The following MRC2 variants were observed in gnomAD, a reference collection of about 807,000 sequenced individuals.
MRC2 encodes mannose receptor C-type 2.
Under a neutral mutation model 206.2 loss-of-function variants are expected in MRC2, and 84 were observed. That is an observed-to-expected ratio of 0.41 (90% CI 0.34 to 0.49). MRC2 has a LOEUF of 0.49. Among genes scored for constraint, MRC2 ranks in the 20% least tolerant of loss-of-function variants. The probability of loss-of-function intolerance (pLI) is 0.31; values close to 1 mark genes in which losing one functional copy is unlikely to be tolerated. For synonymous variants in MRC2, 798 were observed against 800.0 expected (o/e 1.00, Z 0.04); for missense variants, 1,676 against 2,001.5 (o/e 0.84, Z 3.10).
intron 1 of MRC2, among the ~76,000 whole-genome samples, chr17:62,636,618 A>G (rs1260080203): frequency 6.6e-6 from 1 of 151,676 alleles, no homozygotes; most frequent in African/African-American, 2.4e-5. Flanking sequence ...ACAGGCACTC[A>G]CCACCACGCC....
In MRC2 at chr17:62,667,291, C is replaced by T. The variant is rs1343905932; in HGVS notation, c.974-99C>T. The T allele has an allele frequency of 2.8e-6, 4 of 1,449,388 alleles. No homozygotes were observed. The highest frequency in any genetic ancestry group is 2.8e-6 in the Non-Finnish European group (3 of 1,090,148). 89.8% of individuals were successfully genotyped at this position (1,449,388 alleles called of 1,614,324 possible). Reference sequence around the variant, plus strand: ...GGCTTCCCGAACTGGCTCAGGCTTCCGAGGGAGCAGAGGGAGGTAGGAGGT... The same window carrying T: ...GGCTTCCCGAACTGGCTCAGGCTTCTGAGGGAGCAGAGGGAGGTAGGAGGT... On this transcript the variant is annotated intron_variant, in intron 5 of 29. Transcript: ENST00000303375. This position sits in a 1 kb window ranked among gnomAD's most constrained non-coding sequence, Gnocchi z 4.1.
intron 1 of MRC2, among the ~76,000 whole-genome samples, chr17:62,635,818 C>T (rs777560256): frequency 5.1e-4 from 78 of 151,582 alleles, no homozygotes; most frequent in African/African-American, 1.1e-3. Flanking sequence ...GACGGAGTCT[C>T]GCTCTGTTGC....
intron 1 of MRC2, among the ~76,000 whole-genome samples, chr17:62,645,455 TTG>T (rs965551322): frequency 6.8e-6 from 1 of 146,116 alleles, no homozygotes; most frequent in Non-Finnish European, 1.5e-5. Context: ...AATATACATA[TTG>T]TGTGTGTATA....
At chr17:62,669,883 T>C (rs1025839184) in intron 6 of MRC2, among the ~76,000 whole-genome samples, 1 of 152,186 alleles carries the variant, frequency 6.6e-6, no homozygotes, top group Admixed American at 6.5e-5. Context: ...CACTGCTTTA[T>C]CTCCCATTCC....
rs534474598 is a variant in MRC2 at position 62,636,125 on chromosome 17, G to A, written c.118+8205G>A. On this transcript the variant is annotated intron_variant, in intron 1 of 29. Transcript: ENST00000303375. ...TTAAATTAGCTGGGCACAGTGGTGC[G>A]TGCCTGTAGTCTCAGCTACTCAGGA... Among the ~76,000 whole-genome samples the A allele has an allele frequency of 2.6e-5, 4 of 151,132 alleles. No homozygotes were observed. In the East Asian group the frequency reaches 7.8e-4, roughly 30 times the overall value.
chr17:62,688,763 C>T (rs1208685745), intron 22 of MRC2, 89 bp from the exon 23 acceptor site: 4 of 1,589,334 alleles, frequency 2.5e-6, no homozygotes, highest in Admixed American at 3.4e-5. Flanking sequence ...TCCCTTCTTC[C>T]AGCCTCTTTG....
In MRC2 at chr17:62,680,877, C is replaced by A; in HGVS notation, c.2551C>A (p.Arg851Ser). The change falls in exon 17 of 30, where the codon CGC becomes AGC. Residue 851 changes from arginine to serine, a missense_variant. Physicochemically the swap from Arg to Ser is moderately radical, Grantham distance 110 (BLOSUM62 -1). This residue lies in a region of MRC2 where 1,354 missense variants were observed against 1,636.6 expected (regional missense o/e 0.83). Coordinates refer to ENST00000303375, the MANE Select transcript of MRC2 (RefSeq NM_006039.5). This position sits in a 1 kb window ranked among gnomAD's most constrained non-coding sequence, Gnocchi z 4.8. ...EHHSTWAQAQ[R>S]ICTWFQAELT... is the part of the protein sequence containing the mutation. ...CCACTCCACGTGGGCGCAGGCGCAGCGCATCTGCACGTGGTTCCAGGCCGA... is the reference window on the plus strand; with the variant it reads ...CCACTCCACGTGGGCGCAGGCGCAGAGCATCTGCACGTGGTTCCAGGCCGA... 1 of 1,613,046 alleles carries A rather than the reference C, an allele frequency of 6.2e-7. No individual in the cohort carries two copies. Among genetic ancestry groups the A allele is most frequent in the African/African-American group, 1.3e-5 (1 of 75,074 alleles).
At chr17:62,691,249 C>T (rs769531827) in intron 28 of MRC2, 121 bp downstream of exon 28, 209 of 1,175,730 alleles carry the variant, frequency 1.8e-4, no homozygotes, top group Middle Eastern at 2.8e-4. Context: ...CTGAACAGAA[C>T]GGACTGCGGG....
In MRC2 at chr17:62,693,437, G is replaced by A. The variant is rs1381668582; in HGVS notation, c.*986G>A. 3.3e-5 allele frequency: 5 copies of A among 152,668 alleles called. No individual in the cohort carries two copies. Among genetic ancestry groups the A allele is most frequent in the East Asian group, 3.9e-4 (2 of 5,168 alleles). The allele number at this position is 152,668 out of a possible 1,614,324, so 9.5% of individuals were successfully genotyped here. ...CAGTCCCAGCCAGGACAAAGTATGC[G>A]GCCCATCCTGGTGCGACAGCGTGGG... On this transcript the variant is annotated 3_prime_UTR_variant, in exon 30 of 30. Transcript: ENST00000303375.
At chr17:62,640,465 T>C (rs1168653216) in intron 1 of MRC2, among the ~76,000 whole-genome samples, 1 of 152,136 alleles carries the variant, frequency 6.6e-6, no homozygotes, top group Non-Finnish European at 1.5e-5. Context: ...CTTCCCAATA[T>C]AGAGTGCCAC....
chr17:62,681,073 C>G lies in MRC2; in HGVS notation c.2646C>G (p.Ala882=). The G allele has an allele frequency of 1.2e-6, 2 of 1,613,556 alleles. No homozygotes were observed. The highest frequency in any genetic ancestry group is 8.5e-7 in the Non-Finnish European group (1 of 1,179,994). The change falls in exon 18 of 30, where the codon GCC becomes GCG. Residue 882 remains alanine (A), a synonymous_variant. Coordinates refer to ENST00000303375, the MANE Select transcript of MRC2 (RefSeq NM_006039.5). ...LSHNLQKFSR[A]QEQHWWIGLH... is the part of the protein sequence containing the mutation. Reference sequence around the variant, plus strand: ...CCTGGCTTCTCCAGTTCTCCCGGGCCCAGGAGCAGCACTGGTGGATCGGCC... The same window carrying G: ...CCTGGCTTCTCCAGTTCTCCCGGGCGCAGGAGCAGCACTGGTGGATCGGCC...
In MRC2 at chr17:62,680,046, G is replaced by A; in HGVS notation, c.2299-124G>A. ...GGCTTCAGGAAAGCAGGTCCGAGAGGGGTCACCCGGCCCCCGGTGAGAATT... is the reference window on the plus strand; with the variant it reads ...GGCTTCAGGAAAGCAGGTCCGAGAGAGGTCACCCGGCCCCCGGTGAGAATT... On this transcript the variant is annotated intron_variant, in intron 14 of 29. Transcript: ENST00000303375. This position sits in a 1 kb window ranked among gnomAD's most constrained non-coding sequence, Gnocchi z 4.8. 6.6e-7 allele frequency: 1 copy of A among 1,525,526 alleles called. No homozygotes were observed. Among genetic ancestry groups the A allele is most frequent in the Non-Finnish European group, 8.9e-7 (1 of 1,120,672 alleles). 94.5% of individuals were successfully genotyped at this position (1,525,526 alleles called of 1,614,324 possible). A position where few individuals can be genotyped will look rare whatever the true frequency, so the allele number is the denominator to read the frequency against.
chr17:62,671,585 C>A lies in MRC2; in HGVS notation c.1118-64C>A. 1 of 1,475,774 alleles carries A rather than the reference C, an allele frequency of 6.8e-7. No homozygotes were observed. The highest frequency in any genetic ancestry group is 9.1e-7 in the Non-Finnish European group (1 of 1,103,404). 91.4% of individuals were successfully genotyped at this position (1,475,774 alleles called of 1,614,324 possible). ...GGCCTCGCCTGTGTTGACGTCAACCCAGTGGGTTGGTTCCCAGACTGGGCG... is the reference window on the plus strand; with the variant it reads ...GGCCTCGCCTGTGTTGACGTCAACCAAGTGGGTTGGTTCCCAGACTGGGCG... On this transcript the variant is annotated intron_variant, in intron 6 of 29. Transcript: ENST00000303375. The surrounding 1 kb of genome is among the most constrained non-coding windows in gnomAD (Gnocchi z 4.5).
chr17:62,653,333 C>G (rs1020327125), intron 1 of MRC2, among the ~76,000 whole-genome samples: 1 of 152,030 alleles, frequency 6.6e-6, no homozygotes, highest in African/African-American at 2.4e-5. Context: ...ACCCCAGGGG[C>G]GGGGCTAGCT....
At chr17:62,648,824 C>T (rs1028302645) in intron 1 of MRC2, among the ~76,000 whole-genome samples, 2 of 152,204 alleles carry the variant, frequency 1.3e-5, no homozygotes, top group Non-Finnish European at 2.9e-5. Context: ...TTCTTCTTAT[C>T]CAGATTGCAG....
Position 62,675,736 on chromosome 17 carries a change from G to A in MRC2, c.1570-54G>A, listed in dbSNP as rs2088883037. The A allele has an allele frequency of 7.3e-7, 1 of 1,372,932 alleles. No individual in the cohort carries two copies. The highest frequency in any genetic ancestry group is 1.0e-6 in the Non-Finnish European group (1 of 962,118). 85.0% of individuals were successfully genotyped at this position (1,372,932 alleles called of 1,614,324 possible). A position where few individuals can be genotyped will look rare whatever the true frequency, so the allele number is the denominator to read the frequency against. ...TCCCACCACAGGATTTATGGGTGAGGGTGGAGAGTCATCTTCCCTACAGAC... is the reference window on the plus strand; with the variant it reads ...TCCCACCACAGGATTTATGGGTGAGAGTGGAGAGTCATCTTCCCTACAGAC... On this transcript the variant is annotated intron_variant, in intron 9 of 29. Transcript: ENST00000303375. This position sits in a 1 kb window ranked among gnomAD's most constrained non-coding sequence, Gnocchi z 4.1.
intron 1 of MRC2, among the ~76,000 whole-genome samples, chr17:62,657,636 G>C (rs2088633507): frequency 6.6e-6 from 1 of 151,032 alleles, no homozygotes; most frequent in South Asian, 2.1e-4. Context: ...GATGAGGCTG[G>C]GGGGTGGGTG....
rs762511804 is a variant in MRC2 at position 62,692,138 on chromosome 17, G to C, written c.4219G>C (p.Ala1407Pro). 1 of 1,614,230 alleles carries C rather than the reference G, an allele frequency of 6.2e-7. No homozygotes were observed. The highest frequency in any genetic ancestry group is 1.7e-5 in the Admixed American group (1 of 60,036). The stretch of plus-strand genomic sequence containing the variant: ...TGAGCAGAGCAGCTTCTCCCCATCA[G>C]GTGAGTGAAAGGCAATGCCCCCAGG... ...RAEQSSFSPS[A>P]LPENPAALVV... The change falls in exon 29 of 30, where the codon GCG becomes CCG. Residue 1407 changes from alanine to proline, a missense_variant and splice_region_variant. This residue lies in a region of MRC2 where 1,354 missense variants were observed against 1,636.6 expected (regional missense o/e 0.83). Coordinates refer to ENST00000303375, the MANE Select transcript of MRC2 (RefSeq NM_006039.5). This position sits in a 1 kb window ranked among gnomAD's most constrained non-coding sequence, Gnocchi z 4.2.
At chr17:62,665,029 A>T in intron 2 of MRC2, 80 bp downstream of exon 2, 1 of 1,470,372 alleles carries the variant, frequency 6.8e-7, no homozygotes, top group Non-Finnish European at 9.0e-7. Context: ...ATTCCCAGTG[A>T]CAAGGCCTTT....
Sources: gnomAD v4.1 joint callset for allele counts (sites outside exome capture counted in the v4.1 genomes callset) on GRCh38, gnomAD v4.1.1 for gene constraint, gnomAD v4.1.1 regional missense constraint, Gnocchi (gnomAD v3.1) non-coding constraint, MANE v1.5 for transcripts, NCBI Gene and HGNC (gene_info 2026-07-23, HGNC 2026-07-21) for gene names.